The following GALNTL6 variants were observed in gnomAD, a reference collection of about 807,000 sequenced individuals.
GALNTL6 encodes polypeptide N-acetylgalactosaminyltransferase-like 6.
In GALNTL6, 46 loss-of-function variants were observed where a neutral mutation model predicts 73.7. The ratio of observed to expected loss-of-function variants is 0.62; its 90% CI spans 0.49 to 0.80. The LOEUF (loss-of-function observed/expected upper bound fraction) is 0.80, where lower values mean the gene tolerates loss of function less well. Ranked by LOEUF, GALNTL6 falls within the 30% of genes least tolerant of loss-of-function variation. The probability of loss-of-function intolerance (pLI) is 0.00; values close to 1 mark genes in which losing one functional copy is unlikely to be tolerated. For missense variants in GALNTL6, 604 were observed against 755.0 expected (o/e 0.80, Z 2.34); for synonymous variants, 259 against 263.7 (o/e 0.98, Z 0.17).
At chr4:172,547,046 C>G (rs1458648156) in intron 5 of GALNTL6, among the ~76,000 whole-genome samples, 1 of 151,618 alleles carries the variant, frequency 6.6e-6, no homozygotes, top group African/African-American at 2.4e-5. Flanking sequence ...CCCTCGGTCT[C>G]TAAGAATTTG....
intron 7 of GALNTL6, among the ~76,000 whole-genome samples, chr4:172,868,887 G>A (rs1369536311): frequency 6.6e-6 from 1 of 152,094 alleles, no homozygotes; most frequent in African/African-American, 2.4e-5. Context: ...GGACTGGAGG[G>A]CACTGAACAA....
intron 3 of GALNTL6, among the ~76,000 whole-genome samples, chr4:172,234,731 A>G (rs1465325515): frequency 6.6e-6 from 1 of 152,076 alleles, no homozygotes; most frequent in Non-Finnish European, 1.5e-5. Flanking sequence ...ATCTTTATCT[A>G]TGAATTAATA....
intron 2 of GALNTL6, among the ~76,000 whole-genome samples, chr4:172,127,089 G>A (rs999776173): frequency 1.3e-5 from 2 of 152,222 alleles, no homozygotes; most frequent in Admixed American, 6.5e-5. Flanking sequence ...TGCTGCTTCT[G>A]AAAGTAACCC....
At chr4:172,276,408 C>A (rs959692633) in intron 3 of GALNTL6, among the ~76,000 whole-genome samples, 1 of 152,158 alleles carries the variant, frequency 6.6e-6, no homozygotes, top group Admixed American at 6.5e-5. Context: ...GATTATCTAA[C>A]TATTGCTTTT....
At chr4:172,088,184 T>TATTCA (rs1430318089) in intron 2 of GALNTL6, among the ~76,000 whole-genome samples, 1 of 152,230 alleles carries the variant, frequency 6.6e-6, no homozygotes, top group Admixed American at 6.5e-5. Context: ...AATAATTTGC[T>TATTCA]ATTCATTTTG....
chr4:172,849,760 G>T (rs1291663926), intron 7 of GALNTL6, among the ~76,000 whole-genome samples: 1 of 152,020 alleles, frequency 6.6e-6, no homozygotes, highest in African/African-American at 2.4e-5. Flanking sequence ...AAACCTAGAG[G>T]TCTATCACAG....
intron 7 of GALNTL6, among the ~76,000 whole-genome samples, chr4:172,845,432 G>C (rs1003140045): frequency 1.2e-4 from 19 of 152,094 alleles, no homozygotes; most frequent in Non-Finnish European, 7.4e-5. Context: ...ACTGGACTGT[G>C]GGTGGGAGGA....
chr4:172,662,634 A>T (rs1731436811), intron 5 of GALNTL6, among the ~76,000 whole-genome samples: 1 of 152,206 alleles, frequency 6.6e-6, no homozygotes, highest in Non-Finnish European at 1.5e-5. Flanking sequence ...CCTAATTGGT[A>T]TACTCTATCA....
chr4:172,794,692 C>T (rs780264124), intron 5 of GALNTL6, among the ~76,000 whole-genome samples: 4 of 152,160 alleles, frequency 2.6e-5, no homozygotes, highest in Non-Finnish European at 5.9e-5. Flanking sequence ...TACGAATCTT[C>T]GTCAGAATCA....
chr4:171,830,754 T>A, intron 2 of GALNTL6, among the ~76,000 whole-genome samples: 1 of 152,182 alleles, frequency 6.6e-6, no homozygotes, highest in Non-Finnish European at 1.5e-5. Flanking sequence ...ATATGGATTA[T>A]TTAAATAACT....
At chr4:172,614,863 C>T (rs1016094457) in intron 5 of GALNTL6, among the ~76,000 whole-genome samples, 1 of 152,098 alleles carries the variant, frequency 6.6e-6, no homozygotes, top group African/African-American at 2.4e-5. Context: ...TTAGCCACCT[C>T]TGGGATATGT....
chr4:172,385,406 A>G (rs1318891648), intron 5 of GALNTL6, among the ~76,000 whole-genome samples: 1 of 152,050 alleles, frequency 6.6e-6, no homozygotes, highest in East Asian at 1.9e-4. Flanking sequence ...TGAATTATCA[A>G]TTAGTCTTTC....
At chr4:172,787,138 A>AT (rs1739706727) in intron 5 of GALNTL6, among the ~76,000 whole-genome samples, 2 of 152,312 alleles carry the variant, frequency 1.3e-5, no homozygotes, top group Non-Finnish European at 1.5e-5. Flanking sequence ...ATGCTGCCAA[A>AT]TTGCCCTACC....
At chr4:172,668,146 T>C (rs1731773889) in intron 5 of GALNTL6, 1 of 152,144 alleles carries the variant, frequency 6.6e-6, no homozygotes, top group African/African-American at 2.4e-5. Flanking sequence ...TAGAAAAAAA[T>C]GTGTTGCTCT....
chr4:171,867,021 T>C (rs1383786301), intron 2 of GALNTL6, among the ~76,000 whole-genome samples: 1 of 152,120 alleles, frequency 6.6e-6, no homozygotes. Context: ...CTACTACATT[T>C]AAGAAAATAT....
chr4:172,886,582 G>A (rs550342208), intron 8 of GALNTL6, among the ~76,000 whole-genome samples: 2 of 152,292 alleles, frequency 1.3e-5, no homozygotes, highest in African/African-American at 4.8e-5. Context: ...TCATGAACAT[G>A]GTGAAACCCT....
intron 5 of GALNTL6, among the ~76,000 whole-genome samples, chr4:172,454,370 G>C (rs544920200): frequency 3.9e-5 from 6 of 152,254 alleles, no homozygotes; most frequent in Admixed American, 1.3e-4. Context: ...CCCAAATCTG[G>C]ATACAATGCA....
intron 5 of GALNTL6, among the ~76,000 whole-genome samples, chr4:172,602,017 C>T (rs1482423904): frequency 6.6e-6 from 1 of 151,788 alleles, no homozygotes. Context: ...GGATAGAAGA[C>T]GTCATCAGAA....
At chr4:172,038,116 T>TG (rs572296112) in intron 2 of GALNTL6, among the ~76,000 whole-genome samples, 2,946 of 89,078 alleles carry the variant, frequency 0.033, 55 homozygotes, top group Non-Finnish European at 0.053. Flanking sequence ...AGACTCTGTC[T>TG]CAAAAAAAAA....
Sources: allele counts gnomAD v4.1 joint callset (sites outside exome capture counted in the v4.1 genomes callset), GRCh38; gene constraint gnomAD v4.1.1; transcripts MANE v1.5; gene names NCBI Gene and HGNC (gene_info 2026-07-23, HGNC 2026-07-21).